NOTCH2: variants seen among roughly 807,000 people sequenced by gnomAD.
NOTCH2 encodes the protein notch receptor 2.
NOTCH2 carries 29 observed loss-of-function variants against 235.8 expected under a neutral mutation model. The observed-to-expected ratio is 0.12, with a 90% CI of 0.09 to 0.17. NOTCH2 has a LOEUF of 0.17. Ranked by LOEUF, NOTCH2 falls within the 10% of genes least tolerant of loss-of-function variation. NOTCH2 has a pLI of 1.00. For missense variants in NOTCH2, 2,285 were observed against 3,150.2 expected (o/e 0.73, Z 6.57); for synonymous variants, 1,086 against 1,141.5 (o/e 0.95, Z 0.98).
At position 119,949,372 on chromosome 1, in the gene NOTCH2, C is replaced by A. The variant is rs75023863; in HGVS notation, c.2480-246G>T. On this transcript the variant is annotated intron_variant, in intron 15 of 33. Transcript: ENST00000256646. ...AGGCCTGTTAAATGTAGTTTCCCTACACTACTATTTCTTTTTTTTTTTTTT... is the reference window on the plus strand; with the variant it reads ...AGGCCTGTTAAATGTAGTTTCCCTAAACTACTATTTCTTTTTTTTTTTTTT... Among the ~76,000 whole-genome samples the A allele has an allele frequency of 0.037, 5,545 of 148,556 alleles. 346 individuals are homozygous for A. Among genetic ancestry groups the A allele is most frequent in the African/African-American group, 0.13 (5,234 of 40,732 alleles).
chr1:120,005,390 G>A lies in NOTCH2; in HGVS notation c.354C>T (p.Gly118=), dbSNP rs143652500. 8.9e-5 allele frequency: 143 copies of A among 1,613,890 alleles called. No individual in the cohort carries two copies. Among genetic ancestry groups the A allele is most frequent in the African/African-American group, 2.9e-4 (22 of 74,936 alleles). Residue 118 remains glycine, a synonymous_variant, in exon 3 of 34, where the codon GGC becomes GGT. Coordinates refer to ENST00000256646, the MANE Select transcript of NOTCH2 (RefSeq NM_024408.4). ...PCFVSRPCLN[G]GTCHMLSRDT... is the part of the protein sequence containing the mutation. ...CCCGGCTGAGCATATGGCATGTGCC[G>A]CCATTCAGGCAGGGTCGAGACACAA...
chr1:120,010,590 A>AC (rs1411432658), intron 2 of NOTCH2, among the ~76,000 whole-genome samples: 1 of 150,176 alleles, frequency 6.7e-6, no homozygotes, highest in East Asian at 1.9e-4. Context: ...AACAGTGCCT[A>AC]CTTCATAGGA....
chr1:119,971,886 G>A (rs587770917), intron 5 of NOTCH2, among the ~76,000 whole-genome samples: 20 of 152,210 alleles, frequency 1.3e-4, no homozygotes, highest in African/African-American at 4.3e-4. Context: ...AATTTGAAAC[G>A]AGGCTGTGTC....
At chr1:119,979,479 C>G (rs1441135428) in intron 5 of NOTCH2, among the ~76,000 whole-genome samples, 1 of 152,126 alleles carries the variant, frequency 6.6e-6, no homozygotes, top group Non-Finnish European at 1.5e-5. Flanking sequence ...GATATCTAGT[C>G]AAGATACAAC....
In NOTCH2 at chr1:119,955,179, C is replaced by G. The variant is rs2101124684; in HGVS notation, c.2080G>C (p.Gly694Arg). The part of the protein sequence containing the change: ...DECASNPCRK[G>R]ATCINGVNGF... The stretch of plus-strand genomic sequence containing the variant: ...TTCACACCGTTGATACATGTTGCAC[C>G]CTTGCGACAGGGATTGGAGGCACAC... Residue 694 changes from glycine (G) to arginine (R), a missense_variant, in exon 13 of 34, where the codon GGT becomes CGT. Gly to Arg is a moderately radical substitution (Grantham distance 125). Coordinates refer to ENST00000256646, the MANE Select transcript of NOTCH2 (RefSeq NM_024408.4). The G allele has an allele frequency of 1.9e-6, 3 of 1,614,022 alleles. No individual in the cohort carries two copies. The highest frequency in any genetic ancestry group is 2.5e-6 in the Non-Finnish European group (3 of 1,179,996).
chr1:119,915,681 A>G lies in NOTCH2; in HGVS notation c.7041T>C (p.Arg2347=), dbSNP rs1242301327. 2 of 1,613,078 alleles carry G rather than the reference A, an allele frequency of 1.2e-6. No homozygotes were observed. Among genetic ancestry groups the G allele is most frequent in the East Asian group, 2.2e-5 (1 of 44,878 alleles). ...CAGTGGGGAAAGCCACACTGGGCAA[A>G]CGGGCCATTTCTGGAATCTGGTACA... ...PTMYQIPEMA[R]LPSVAFPTAM... Residue 2347 remains arginine, a synonymous_variant, in exon 34 of 34, where the codon CGT becomes CGC. Transcript: ENST00000256646.
At chr1:120,025,764 T>C (rs1653815344) in intron 2 of NOTCH2, among the ~76,000 whole-genome samples, 1 of 90,428 alleles carries the variant, frequency 1.1e-5, no homozygotes, top group Non-Finnish European at 2.1e-5. Flanking sequence ...TTAAAATACA[T>C]ATTTTGTCAA....
intron 2 of NOTCH2, among the ~76,000 whole-genome samples, chr1:120,017,349 C>T (rs1653485760): frequency 6.6e-6 from 1 of 151,862 alleles, no homozygotes; most frequent in South Asian, 2.1e-4. Flanking sequence ...AATGTTATTT[C>T]CTGTGAAAAA....
intron 4 of NOTCH2, among the ~76,000 whole-genome samples, chr1:119,990,692 AC>A (rs1371789062): frequency 1.0e-5 from 1 of 97,564 alleles, no homozygotes; most frequent in Non-Finnish European, 2.0e-5. Flanking sequence ...CAGAAACTTT[AC>A]CCAATTGCAG....
At chr1:119,941,921 T>G (rs1392081259) in intron 17 of NOTCH2, among the ~76,000 whole-genome samples, 167 bp from the exon 18 acceptor site, 1 of 152,244 alleles carries the variant, frequency 6.6e-6, no homozygotes, top group African/African-American at 2.4e-5. Context: ...CAATAATACT[T>G]GCTTGAAGTT....
intron 5 of NOTCH2, among the ~76,000 whole-genome samples, chr1:119,981,972 G>T (rs1281713141): frequency 6.6e-6 from 1 of 151,692 alleles, no homozygotes; most frequent in East Asian, 1.9e-4. Context: ...AAATGGTTGT[G>T]AGAAAAGCCT....
Position 119,926,577 on chromosome 1 carries a change from G to C in NOTCH2, c.3927C>G (p.Pro1309=), listed in dbSNP as rs1184059678. The C allele has an allele frequency of 1.9e-6, 3 of 1,609,430 alleles. No individual in the cohort carries two copies. Among genetic ancestry groups the C allele is most frequent in the Non-Finnish European group, 2.5e-6 (3 of 1,177,650 alleles). ...TCCCTCCATTCAGGCAGGGCATCTG[G>C]GGACACACATCGACGAAGGTTTCAC... ...RHCETFVDVC[P]QMPCLNGGTC... is the part of the protein sequence containing the mutation. Residue 1309 remains proline, a synonymous_variant, in exon 24 of 34, where the codon CCC becomes CCG. Coordinates refer to ENST00000256646, the MANE Select transcript of NOTCH2 (RefSeq NM_024408.4).
intron 6 of NOTCH2, 26 bp from the exon 7 acceptor site, chr1:119,968,258 A>G (rs137866235): frequency 6.2e-7 from 1 of 1,611,796 alleles, no homozygotes; most frequent in African/African-American, 1.3e-5. Context: ...GCAAAGGACA[A>G]CTAAGAGAAA....
At chr1:119,952,405 T>C (rs1650513873) in intron 14 of NOTCH2, among the ~76,000 whole-genome samples, 1 of 152,164 alleles carries the variant, frequency 6.6e-6, no homozygotes, top group Non-Finnish European at 1.5e-5. Flanking sequence ...AATGAAGTAG[T>C]TTTACAACTT....
At chr1:119,999,959 GAAAGAAAGAAAGAAAGAAA>G (rs1652665121) in intron 3 of NOTCH2, among the ~76,000 whole-genome samples, 1 of 129,368 alleles carries the variant, frequency 7.7e-6, no homozygotes, top group African/African-American at 3.7e-5. Context: ...AAGAAAGAAA[GAAAGAAAGAAAGAAAGAAA>G]GGAAGGAAGG....
Position 119,923,953 on chromosome 1 carries a change from C to T in NOTCH2, c.4543G>A (p.Asp1515Asn). The T allele has an allele frequency of 6.2e-7, 1 of 1,614,170 alleles. No individual in the cohort carries two copies. The highest frequency in any genetic ancestry group is 8.5e-7 in the Non-Finnish European group (1 of 1,180,020). ...TTGCACCCCTGGTCACAGTGGTTGT[C>T]TTTGAAGTGGTCTGCACAGTATTTG... is the stretch of plus-strand genomic sequence containing the variant. ...YDKYCADHFK[D>N]NHCDQGCNSE... Residue 1515 changes from aspartate to asparagine, a missense_variant, in exon 26 of 34, where the codon GAC becomes AAC. Transcript: ENST00000256646.
intron 17 of NOTCH2, among the ~76,000 whole-genome samples, chr1:119,945,550 T>C (rs1650222784): frequency 1.3e-5 from 2 of 151,970 alleles, no homozygotes; most frequent in South Asian, 4.1e-4. Context: ...AATAATAAAA[T>C]AAAGCTAGAG....
chr1:119,940,200 C>G (rs782540650), intron 19 of NOTCH2, among the ~76,000 whole-genome samples: 1 of 152,124 alleles, frequency 6.6e-6, no homozygotes, highest in Non-Finnish European at 1.5e-5. Context: ...TTGCATCTGA[C>G]CTTTAAAAGG....
At chr1:119,941,795 T>G in intron 17 of NOTCH2, 41 bp from the exon 18 acceptor site, 1 of 1,421,780 alleles carries the variant, frequency 7.0e-7, no homozygotes. Flanking sequence ...AAGAGTAGCA[T>G]CAGTTTAATC....
Sources: allele counts gnomAD v4.1 joint callset (sites outside exome capture counted in the v4.1 genomes callset), GRCh38; gene constraint gnomAD v4.1.1; transcripts MANE v1.5; gene names NCBI Gene and HGNC (gene_info 2026-07-23, HGNC 2026-07-21).